SLC22A11: variants seen among roughly 807,000 people sequenced by gnomAD.
SLC22A11 encodes solute carrier family 22 member 11.
In SLC22A11, 42 loss-of-function variants were observed where a neutral mutation model predicts 49.4. The ratio of observed to expected loss-of-function variants is 0.85; its 90% CI spans 0.66 to 1.10. SLC22A11 has a LOEUF of 1.10. Ranked by LOEUF, SLC22A11 falls within the 50% of genes least tolerant of loss-of-function variation. The pLI, the probability that SLC22A11 is intolerant of heterozygous loss-of-function variation, is 0.00. For missense variants in SLC22A11, 685 were observed against 731.6 expected (o/e 0.94, Z 0.74); for synonymous variants, 304 against 315.8 (o/e 0.96, Z 0.40).
In SLC22A11 at chr11:64,567,820, C is replaced by T; in HGVS notation, c.1273+7C>T. 6.4e-7 allele frequency: 1 copy of T among 1,574,050 alleles called. No homozygotes were observed. Among genetic ancestry groups the T allele is most frequent in the Non-Finnish European group, 8.6e-7 (1 of 1,162,520 alleles). On this transcript the variant is annotated splice_region_variant and intron_variant, in intron 7 of 9. Transcript: ENST00000301891. ...AACATGCTGGTGCCGCAAGGTGAGG[C>T]AGGCGGACTGGGCGGTGGGACCGGG...
intron 1 of SLC22A11, among the ~76,000 whole-genome samples, chr11:64,556,598 C>T (rs1464190221): frequency 6.6e-6 from 1 of 152,158 alleles, no homozygotes; most frequent in Non-Finnish European, 1.5e-5. Flanking sequence ...GTGCGGGGGG[C>T]ACCTGGGTGG....
intron 1 of SLC22A11, among the ~76,000 whole-genome samples, chr11:64,557,326 C>A (rs1232234639): frequency 6.6e-6 from 1 of 152,180 alleles, no homozygotes; most frequent in African/African-American, 2.4e-5. Flanking sequence ...GGGTCTGGAG[C>A]CTGAGTCAAT....
intron 2 of SLC22A11, 90 bp from the exon 3 acceptor site, chr11:64,561,914 T>G: frequency 1.4e-6 from 2 of 1,457,070 alleles, no homozygotes; most frequent in Non-Finnish European, 1.8e-6. Flanking sequence ...CCCCTGGCGT[T>G]GTTGAACTCC....
intron 8 of SLC22A11, 53 bp downstream of exon 8, chr11:64,568,831 G>A: frequency 6.6e-7 from 1 of 1,512,068 alleles, no homozygotes; most frequent in Non-Finnish European, 9.2e-7. Flanking sequence ...TCCTGAGAGG[G>A]CGGTGGGAAG....
Position 64,571,148 on chromosome 11 carries a change from A to G in SLC22A11, c.*106A>G. Reference sequence around the variant, plus strand: ...AGTTGGGCGACTTCAAGGGCCTGGCATGGCAGAGGCCAGGCAGCCGTGGCC... The same window carrying G: ...AGTTGGGCGACTTCAAGGGCCTGGCGTGGCAGAGGCCAGGCAGCCGTGGCC... On this transcript the variant is annotated 3_prime_UTR_variant, in exon 10 of 10. Coordinates refer to ENST00000301891, the MANE Select transcript of SLC22A11 (RefSeq NM_018484.4). 6 of 1,272,000 alleles carry G rather than the reference A, an allele frequency of 4.7e-6. No homozygotes were observed. The South Asian group carries it at 6.2e-5, about 13-fold the overall frequency. 78.8% of individuals were successfully genotyped at this position (1,272,000 alleles called of 1,614,324 possible).
intron 2 of SLC22A11, among the ~76,000 whole-genome samples, chr11:64,560,404 C>G (rs2038527073): frequency 1.3e-5 from 2 of 152,156 alleles, no homozygotes; most frequent in African/African-American, 4.8e-5. Flanking sequence ...GCACTGAGGA[C>G]AGTCCCTTCC....
Position 64,565,932 on chromosome 11 carries a change from C to T in SLC22A11, c.1058+595C>T. ...CCTGGCCCTCCCCGGGACCCAAGGT[C>T]ATCTGGGCCCAGGAAAAGGCCCTTA... On this transcript the variant is annotated intron_variant, in intron 6 of 9. Transcript: ENST00000301891. The surrounding 1 kb of genome is among the most constrained non-coding windows in gnomAD (Gnocchi z 4.1). 1 of 189,394 alleles carries T rather than the reference C, an allele frequency of 5.3e-6. No individual in the cohort carries two copies. Among genetic ancestry groups the T allele is most frequent in the Non-Finnish European group, 1.1e-5 (1 of 88,804 alleles). The allele number at this position is 189,394 out of a possible 1,614,324, so 11.7% of individuals were successfully genotyped here.
intron 4 of SLC22A11, among the ~76,000 whole-genome samples, chr11:64,563,119 G>A (rs1443166747): frequency 6.6e-6 from 1 of 152,084 alleles, no homozygotes; most frequent in Non-Finnish European, 1.5e-5. Context: ...AACAAAACAG[G>A]CAAAAACCAG....
At chr11:64,570,599 C>G (rs761103151) in intron 9 of SLC22A11, among the ~76,000 whole-genome samples, 2 of 152,072 alleles carry the variant, frequency 1.3e-5, no homozygotes, top group African/African-American at 4.8e-5. Context: ...TGATGGTGAC[C>G]GAGGTCACAA....
chr11:64,568,799 TGCCCCAGGGCCAGCAGGGCCGTCCTGAGA>T lies in SLC22A11; in HGVS notation c.1382+23_1382+51del. 2.5e-6 allele frequency: 4 copies of T among 1,600,840 alleles called. No homozygotes were observed. The South Asian group carries it at 4.4e-5, about 18-fold the overall frequency. ...GTGCGGTAAGCTGGGCTGCAGGCCATGCCCCAGGGCCAGCAGGGCCGTCCTGAGAGGGCGGTGGGAAGGGAAAGAAGGGT... is the reference window on the plus strand; with the variant it reads ...GTGCGGTAAGCTGGGCTGCAGGCCATGGGCGGTGGGAAGGGAAAGAAGGGT... On this transcript the variant is annotated intron_variant, in intron 8 of 9. Coordinates refer to ENST00000301891, the MANE Select transcript of SLC22A11 (RefSeq NM_018484.4).
intron 6 of SLC22A11, among the ~76,000 whole-genome samples, chr11:64,566,923 T>C (rs1004427230): frequency 6.6e-6 from 1 of 152,174 alleles, no homozygotes; most frequent in Admixed American, 6.5e-5. Context: ...TAAATTCAGC[T>C]ACTCGTGAGC....
At chr11:64,566,351 T>C (rs1307122176) in intron 6 of SLC22A11, 1 of 152,098 alleles carries the variant, frequency 6.6e-6, no homozygotes, top group Non-Finnish European at 1.5e-5. Context: ...TAACCACATA[T>C]GGGTTATGAT....
chr11:64,568,671 T>C lies in SLC22A11; in HGVS notation c.1275T>C (p.Asp425=). 6.2e-7 allele frequency: 1 copy of C among 1,613,884 alleles called. No individual in the cohort carries two copies. The highest frequency in any genetic ancestry group is 8.5e-7 in the Non-Finnish European group (1 of 1,179,812). ...AILANMLVPQ[D]LQTLRVVFAV... is the part of the protein sequence containing the mutation. The stretch of plus-strand genomic sequence containing the variant: ...CTCTCACCCCCTTCCTGTACCCAGA[T>C]TTGCAGACCCTGCGTGTGGTCTTTG... Residue 425 remains aspartate, a splice_region_variant and synonymous_variant, in exon 8 of 10, where the codon GAT becomes GAC. Transcript: ENST00000301891.
rs964949939 is a variant in SLC22A11 at position 64,562,193 on chromosome 11, G to A, written c.652+35G>A. ...CGGCTCAGCGCGCTCCTGCCATGGGGGCGGGGGTGGCAGGAGAGAATGGGG... is the reference window on the plus strand; with the variant it reads ...CGGCTCAGCGCGCTCCTGCCATGGGAGCGGGGGTGGCAGGAGAGAATGGGG... On this transcript the variant is annotated intron_variant, in intron 3 of 9. Coordinates refer to ENST00000301891, the MANE Select transcript of SLC22A11 (RefSeq NM_018484.4). The surrounding 1 kb of genome is among the most constrained non-coding windows in gnomAD (Gnocchi z 4.4). The A allele has an allele frequency of 6.2e-7, 1 of 1,606,786 alleles. No individual in the cohort carries two copies. The highest frequency in any genetic ancestry group is 1.3e-5 in the African/African-American group (1 of 74,818).
chr11:64,564,570 C>A lies in SLC22A11; in HGVS notation c.942+142C>A. On this transcript the variant is annotated intron_variant, in intron 5 of 9. Transcript: ENST00000301891. The surrounding 1 kb of genome is among the most constrained non-coding windows in gnomAD (Gnocchi z 4.2). ...AGCATCTCCACAGACACCACCAACA[C>A]CTCCATCACCACCTCCACACAGACA... is the stretch of plus-strand genomic sequence containing the variant. 2 of 943,300 alleles carry A rather than the reference C, an allele frequency of 2.1e-6. No homozygotes were observed. Among genetic ancestry groups the A allele is most frequent in the Non-Finnish European group, 1.6e-6 (1 of 629,858 alleles). 58.4% of individuals were successfully genotyped at this position (943,300 alleles called of 1,614,324 possible). A position where few individuals can be genotyped will look rare whatever the true frequency, so the allele number is the denominator to read the frequency against.
intron 8 of SLC22A11, among the ~76,000 whole-genome samples, chr11:64,569,185 A>G (rs190717025): frequency 6.6e-6 from 1 of 152,292 alleles, no homozygotes; most frequent in Admixed American, 6.5e-5. Flanking sequence ...TCTAGAGTCT[A>G]GGCCACCCCC....
Position 64,567,690 on chromosome 11 carries a change from G to A in SLC22A11, c.1150G>A (p.Val384Met), listed in dbSNP as rs767110964. Reference sequence around the variant, plus strand: ...CCTCCTCCAGGCCCTCTTCGGGGCCGTGGACTTCCTGGGCCGGGCCACCAC... The same window carrying A: ...CCTCCTCCAGGCCCTCTTCGGGGCCATGGACTTCCTGGGCCGGGCCACCAC... ...IFLLQALFGA[V>M]DFLGRATTAL... Residue 384 changes from valine (V) to methionine (M), a missense_variant, in exon 7 of 10, where the codon GTG becomes ATG. Coordinates refer to ENST00000301891, the MANE Select transcript of SLC22A11 (RefSeq NM_018484.4). 7 of 1,613,860 alleles carry A rather than the reference G, an allele frequency of 4.3e-6. No homozygotes were observed. The highest frequency in any genetic ancestry group is 1.3e-5 in the African/African-American group (1 of 74,942).
intron 1 of SLC22A11, among the ~76,000 whole-genome samples, chr11:64,557,373 G>A (rs546894020): frequency 1.2e-4 from 18 of 152,324 alleles, no homozygotes; most frequent in Non-Finnish European, 2.2e-4. Flanking sequence ...GCAAGGTTGC[G>A]AGGGGTGAGG....
Position 64,556,351 on chromosome 11 carries a change from G to A in SLC22A11, c.352G>A (p.Val118Ile), listed in dbSNP as rs763952094. The A allele has an allele frequency of 6.2e-6, 10 of 1,612,602 alleles. No individual in the cohort carries two copies. The highest frequency in any genetic ancestry group is 8.5e-6 in the Non-Finnish European group (10 of 1,180,034). The change falls in exon 1 of 10, where the codon GTC becomes ATC. Residue 118 changes from valine to isoleucine, a missense_variant. Transcript: ENST00000301891. ...CACGGAGCCGTGTGTGGACGGCTGG[G>A]TCTATGACCGCAGCGTCTTCACCTC... ...ADTEPCVDGW[V>I]YDRSVFTSTI...
Sources: gnomAD v4.1 joint callset for allele counts (sites outside exome capture counted in the v4.1 genomes callset) on GRCh38, gnomAD v4.1.1 for gene constraint, Gnocchi (gnomAD v3.1) non-coding constraint, MANE v1.5 for transcripts, NCBI Gene and HGNC (gene_info 2026-07-23, HGNC 2026-07-21) for gene names.